The following ST3GAL3 variants were observed in gnomAD, a reference collection of about 807,000 sequenced individuals.
ST3GAL3 encodes the protein CMP-N-acetylneuraminate-beta-1,4-galactoside alpha-2,3-sialyltransferase.
In ST3GAL3, 21 loss-of-function variants were observed where a neutral mutation model predicts 50.1. That is an observed-to-expected ratio of 0.42 (90% CI 0.30 to 0.60). ST3GAL3 has a LOEUF of 0.60. Among genes scored for constraint, ST3GAL3 ranks in the 20% least tolerant of loss-of-function variants. The pLI, the probability that ST3GAL3 is intolerant of heterozygous loss-of-function variation, is 0.19. For synonymous variants in ST3GAL3, 183 were observed against 190.0 expected (o/e 0.96, Z 0.30); for missense variants, 353 against 489.4 (o/e 0.72, Z 2.63).
At chr1:43,850,791 A>T (rs1444071327) in intron 5 of ST3GAL3, 1 of 902,864 alleles carries the variant, frequency 1.1e-6, no homozygotes, top group Non-Finnish European at 1.9e-6. Flanking sequence ...TTCCAGAGTC[A>T]TAGCTTGCTT....
chr1:43,739,588 C>G (rs1354948600), intron 2 of ST3GAL3, among the ~76,000 whole-genome samples: 1 of 152,098 alleles, frequency 6.6e-6, no homozygotes, highest in African/African-American at 2.4e-5. Context: ...ATGTACTGTT[C>G]TGGGTAAACT....
At chr1:43,867,121 C>A (rs1245989228) in intron 5 of ST3GAL3, among the ~76,000 whole-genome samples, 3 of 152,184 alleles carry the variant, frequency 2.0e-5, no homozygotes, top group Admixed American at 6.5e-5. Context: ...CAGAGCGAGA[C>A]TCCGTCTCAA....
intron 4 of ST3GAL3, among the ~76,000 whole-genome samples, chr1:43,836,095 T>C (rs2064285687): frequency 6.6e-6 from 1 of 152,222 alleles, no homozygotes; most frequent in Non-Finnish European, 1.5e-5. Flanking sequence ...GCCTTGTGTG[T>C]AAATTAATTC....
In ST3GAL3 at chr1:43,920,829, C is replaced by T; in HGVS notation, c.939C>T (p.Gly313=). The change falls in exon 11 of 12, where the codon GGC becomes GGT. Residue 313 remains glycine (G), a synonymous_variant. Transcript: ENST00000347631. ...TGGCAGTGACCATGGCACTACACGG[C>T]TGTGACGAGGTGGCAGTCGCAGGAT... ...GSVAVTMALH[G]CDEVAVAGFG... 6.2e-7 allele frequency: 1 copy of T among 1,614,164 alleles called. No individual in the cohort carries two copies. Among genetic ancestry groups the T allele is most frequent in the Non-Finnish European group, 8.5e-7 (1 of 1,180,034 alleles).
At chr1:43,731,169 A>G (rs962605126) in intron 1 of ST3GAL3, among the ~76,000 whole-genome samples, 1 of 151,744 alleles carries the variant, frequency 6.6e-6, no homozygotes, top group African/African-American at 2.4e-5. Flanking sequence ...GGTTGGGGCT[A>G]TACCACCAGT....
intron 5 of ST3GAL3, among the ~76,000 whole-genome samples, chr1:43,866,882 A>C (rs1306662250): frequency 6.6e-6 from 1 of 152,202 alleles, no homozygotes; most frequent in African/African-American, 2.4e-5. Flanking sequence ...CTGTAATCCC[A>C]GCACTTTGGG....
Position 43,824,752 on chromosome 1 carries a change from G to A in ST3GAL3, c.209+9819G>A, listed in dbSNP as rs369466961. ...GCAGCTCACCGAGGACTCTCTGCACGGTGGTTTTTGGCCTTGACTGCATAT... is the reference window on the plus strand; with the variant it reads ...GCAGCTCACCGAGGACTCTCTGCACAGTGGTTTTTGGCCTTGACTGCATAT... On this transcript the variant is annotated intron_variant, in intron 4 of 11. Coordinates refer to ENST00000347631, the MANE Select transcript of ST3GAL3 (RefSeq NM_006279.5). 21 of 1,613,740 alleles carry A rather than the reference G, an allele frequency of 1.3e-5. No homozygotes were observed. The East Asian group carries it at 1.8e-4, about 14-fold the overall frequency.
At chr1:43,726,052 A>C (rs575578415) in intron 1 of ST3GAL3, among the ~76,000 whole-genome samples, 1 of 152,092 alleles carries the variant, frequency 6.6e-6, no homozygotes, top group African/African-American at 2.4e-5. Context: ...ATAAACTCTC[A>C]TTTAGATGTT....
intron 3 of ST3GAL3, among the ~76,000 whole-genome samples, chr1:43,793,326 G>T (rs1211378318): frequency 6.6e-6 from 1 of 151,956 alleles, no homozygotes; most frequent in Non-Finnish European, 1.5e-5. Context: ...TCACATCAGG[G>T]CAAATGGGGT....
Position 43,792,166 on chromosome 1 carries a change from C to G in ST3GAL3, c.166+17C>G, listed in dbSNP as rs2058162012. 2 of 1,614,210 alleles carry G rather than the reference C, an allele frequency of 1.2e-6. No homozygotes were observed. The highest frequency in any genetic ancestry group is 1.3e-5 in the African/African-American group (1 of 75,060). ...TAGGCTCAGGTACCAACTCTTCCCCCTCTATCATCTTTTTGGCCTTCAATA... is the reference window on the plus strand; with the variant it reads ...TAGGCTCAGGTACCAACTCTTCCCCGTCTATCATCTTTTTGGCCTTCAATA... On this transcript the variant is annotated intron_variant, in intron 3 of 11. Coordinates refer to ENST00000347631, the MANE Select transcript of ST3GAL3 (RefSeq NM_006279.5).
At chr1:43,754,515 A>C (rs1687339616) in intron 2 of ST3GAL3, among the ~76,000 whole-genome samples, 1 of 152,160 alleles carries the variant, frequency 6.6e-6, no homozygotes, top group African/African-American at 2.4e-5. Context: ...AATTTAGTAG[A>C]ACGTAAAGAT....
At position 43,898,235 on chromosome 1, in the gene ST3GAL3, A is replaced by C; in HGVS notation, c.398A>C (p.Asp133Ala). The change falls in exon 7 of 12, where the codon GAC becomes GCC. Residue 133 changes from aspartate (D) to alanine (A), a missense_variant and splice_region_variant. Asp to Ala is a moderately radical substitution (Grantham distance 126, BLOSUM62 -2). Transcript: ENST00000347631. ...FVPPFGIKGQ[D>A]NLIKAILSVT... Reference sequence around the variant, plus strand: ...AGAAACCTCTCTCCTCTGTCTGCAGACAATCTGATCAAAGCCATCTTGTCA... The same window carrying C: ...AGAAACCTCTCTCCTCTGTCTGCAGCCAATCTGATCAAAGCCATCTTGTCA... 1.2e-6 allele frequency: 2 copies of C among 1,613,936 alleles called. No homozygotes were observed. The highest frequency in any genetic ancestry group is 1.7e-6 in the Non-Finnish European group (2 of 1,180,004).
chr1:43,790,322 T>C (rs548882861), intron 2 of ST3GAL3, among the ~76,000 whole-genome samples: 22 of 152,290 alleles, frequency 1.4e-4, no homozygotes, highest in African/African-American at 5.3e-4. Flanking sequence ...TGAATGTCCA[T>C]GTGCAATGAG....
At chr1:43,800,599 G>T (rs2059203718) in intron 3 of ST3GAL3, among the ~76,000 whole-genome samples, 1 of 152,194 alleles carries the variant, frequency 6.6e-6, no homozygotes, top group Non-Finnish European at 1.5e-5. Context: ...GCCCTGGGTT[G>T]GTTCCACGGC....
intron 4 of ST3GAL3, among the ~76,000 whole-genome samples, chr1:43,828,052 T>C (rs376611364): frequency 2.6e-5 from 4 of 152,122 alleles, no homozygotes; most frequent in Admixed American, 2.0e-4. Flanking sequence ...GGCAAAAGAA[T>C]AGACAAATAG....
At chr1:43,910,373 C>T (rs1356161349) in intron 9 of ST3GAL3, among the ~76,000 whole-genome samples, 1 of 152,212 alleles carries the variant, frequency 6.6e-6, no homozygotes, top group Non-Finnish European at 1.5e-5. Context: ...CAAATCTCAT[C>T]TTCTGCCACA....
At chr1:43,816,505 T>C (rs572153530) in intron 4 of ST3GAL3, among the ~76,000 whole-genome samples, 199 of 152,180 alleles carry the variant, frequency 1.3e-3, no homozygotes, top group African/African-American at 4.7e-3. Context: ...TTTAGTACTC[T>C]GGAAAAAAAC....
intron 2 of ST3GAL3, among the ~76,000 whole-genome samples, chr1:43,756,100 CAAAAAA>C (rs139101819): frequency 1.4e-5 from 1 of 72,142 alleles, no homozygotes; most frequent in African/African-American, 7.3e-5. Context: ...GAACCAGTCT[CAAAAAA>C]AAAAAAAAAA....
At chr1:43,889,833 A>G (rs2076461598) in intron 5 of ST3GAL3, among the ~76,000 whole-genome samples, 1 of 152,252 alleles carries the variant, frequency 6.6e-6, no homozygotes, top group South Asian at 2.1e-4. Context: ...AAGAAAAAGA[A>G]GATAAATACA....
Sources: gnomAD v4.1 joint callset for allele counts (sites outside exome capture counted in the v4.1 genomes callset) on GRCh38, gnomAD v4.1.1 for gene constraint, MANE v1.5 for transcripts, NCBI Gene and HGNC (gene_info 2026-07-23, HGNC 2026-07-21) for gene names.